ARGLU1: variants seen among roughly 807,000 people sequenced by gnomAD.
ARGLU1 encodes arginine and glutamate rich 1.
ARGLU1 carries 9 observed loss-of-function variants against 37.6 expected under a neutral mutation model. The ratio of observed to expected loss-of-function variants is 0.24; its 90% CI spans 0.14 to 0.42. The LOEUF is 0.42. ARGLU1 is among the 10% of genes least tolerant of loss of function. The pLI is 1.00. For missense variants in ARGLU1, 211 were observed against 359.2 expected (o/e 0.59, Z 3.34); for synonymous variants, 166 against 138.5 (o/e 1.20, Z -1.39).
Position 106,544,114 on chromosome 13 carries a change from T to C in ARGLU1, c.704A>G (p.Glu235Gly). The C allele has an allele frequency of 6.3e-7, 1 of 1,598,888 alleles. No homozygotes were observed. The highest frequency in any genetic ancestry group is 1.8e-5 in the Admixed American group (1 of 56,522). Residue 235 changes from glutamate to glycine, a missense_variant, in exon 4 of 4, where the codon GAG becomes GGG. Glu to Gly is a moderately conservative substitution (Grantham distance 98, BLOSUM62 -2). Around this residue, in one of 3 missense-constraint regions of ARGLU1, gnomAD observed 80 missense variants for 158.4 expected, o/e 0.51. Coordinates refer to ENST00000400198, the MANE Select transcript of ARGLU1 (RefSeq NM_018011.4). The stretch of plus-strand genomic sequence containing the variant: ...TTCTTGTTCTAGTTTCATCCTTTCC[T>C]CATGAATCTTTCTTTGTTCTTCAAC... ...RIVEEQRKIH[E>G]ERMKLEQERQ...
At chr13:106,548,683 A>G (rs1382171263) in intron 3 of ARGLU1, among the ~76,000 whole-genome samples, 2 of 152,164 alleles carry the variant, frequency 1.3e-5, no homozygotes, top group Non-Finnish European at 1.5e-5. Flanking sequence ...AAGTACACAC[A>G]CAAAAAAATG....
intron 1 of ARGLU1, among the ~76,000 whole-genome samples, chr13:106,563,002 A>C (rs531767867): frequency 0.014 from 1,715 of 123,490 alleles, 38 homozygotes; most frequent in African/African-American, 0.048. Flanking sequence ...AAAAAAAAAA[A>C]AAAAAACAAA....
In ARGLU1 at chr13:106,544,178, A is replaced by T. The variant is rs778747468; in HGVS notation, c.658-18T>A. 6.5e-7 allele frequency: 1 copy of T among 1,529,438 alleles called. No homozygotes were observed. Among genetic ancestry groups the T allele is most frequent in the Non-Finnish European group, 8.7e-7 (1 of 1,145,960 alleles). The allele number at this position is 1,529,438 out of a possible 1,614,324, so 94.7% of individuals were successfully genotyped here. On this transcript the variant is annotated intron_variant, in intron 3 of 3. Transcript: ENST00000400198. ...TCTTCGGCCTGAAAGTTAAAAGTAA[A>T]AATTAATTATAGAAATGTATTAAAA...
intron 1 of ARGLU1, among the ~76,000 whole-genome samples, chr13:106,564,523 G>C (rs1291828704): frequency 6.6e-6 from 1 of 152,140 alleles, no homozygotes; most frequent in Non-Finnish European, 1.5e-5. Context: ...CATCTAACTA[G>C]ATTTCTTGTA....
Position 106,567,894 on chromosome 13 carries a change from G to A in ARGLU1, c.26C>T (p.Ser9Leu). 6.2e-7 allele frequency: 1 copy of A among 1,610,102 alleles called. No homozygotes were observed. ...GCTCTTGGTGTGCTTGGAGCGGGAC[G>A]AGCTCCGGCTCCGAGACCGGCCCAT... The part of the protein sequence containing the change: MGRSRSRS[S>L]SRSKHTKSSK... Residue 9 changes from serine (S) to leucine (L), a missense_variant, in exon 1 of 4, where the codon TCG becomes TTG. Transcript: ENST00000400198. The surrounding 1 kb of genome is among the most constrained non-coding windows in gnomAD (Gnocchi z 4.3).
Position 106,567,565 on chromosome 13 carries a change from G to T in ARGLU1, c.347+8C>A. ...CACGCCCCGGTCCCTCCCCGCGCGGGCACTCACATTTTTCGCTGCCGCTCG... is the reference window on the plus strand; with the variant it reads ...CACGCCCCGGTCCCTCCCCGCGCGGTCACTCACATTTTTCGCTGCCGCTCG... On this transcript the variant is annotated splice_region_variant and intron_variant, in intron 1 of 3. Transcript: ENST00000400198. This position sits in a 1 kb window ranked among gnomAD's most constrained non-coding sequence, Gnocchi z 4.3. The T allele has an allele frequency of 6.3e-7, 1 of 1,580,194 alleles. No individual in the cohort carries two copies. The highest frequency in any genetic ancestry group is 1.3e-5 in the African/African-American group (1 of 74,178).
intron 1 of ARGLU1, among the ~76,000 whole-genome samples, chr13:106,561,116 C>T (rs534607433): frequency 6.6e-6 from 1 of 152,212 alleles, no homozygotes; most frequent in South Asian, 2.1e-4. Context: ...TAGATGTTTG[C>T]CCAACACTCA....
intron 3 of ARGLU1, among the ~76,000 whole-genome samples, chr13:106,549,638 A>G (rs1027248604): frequency 5.3e-5 from 8 of 152,212 alleles, no homozygotes; most frequent in Admixed American, 3.9e-4. Context: ...ATGCCAAACC[A>G]TCATTACAGG....
Position 106,567,082 on chromosome 13 carries a change from G to C in ARGLU1, c.347+491C>G, listed in dbSNP as rs1459317384. ...CTAAAGTGTATGATTCCCGAGATTA[G>C]TTAAGTCCTGTCCCAAATTTGAGCT... is the stretch of plus-strand genomic sequence containing the variant. On this transcript the variant is annotated intron_variant, in intron 1 of 3. Transcript: ENST00000400198. This position sits in a 1 kb window ranked among gnomAD's most constrained non-coding sequence, Gnocchi z 4.3. Among the ~76,000 whole-genome samples the C allele has an allele frequency of 6.6e-6, 1 of 152,102 alleles. No homozygotes were observed. Among genetic ancestry groups the C allele is most frequent in the African/African-American group, 2.4e-5 (1 of 41,406 alleles).
chr13:106,555,540 T>C (rs1428123351), intron 3 of ARGLU1, among the ~76,000 whole-genome samples: 2 of 152,158 alleles, frequency 1.3e-5, no homozygotes, highest in African/African-American at 4.8e-5. Context: ...TATGACCTCA[T>C]TTTTCTAGTA....
intron 2 of ARGLU1, chr13:106,558,877 T>C: frequency 1.0e-6 from 1 of 985,362 alleles, no homozygotes; most frequent in Non-Finnish European, 1.2e-6. Context: ...ATCAGAATGC[T>C]AGAATTAGTC....
At chr13:106,558,408 G>A (rs1880711935) in intron 2 of ARGLU1, 5 of 985,204 alleles carry the variant, frequency 5.1e-6, no homozygotes, top group Non-Finnish European at 6.0e-6. Flanking sequence ...CCACAATAAT[G>A]CCAAGATGAA....
intron 3 of ARGLU1, among the ~76,000 whole-genome samples, chr13:106,546,466 C>G (rs925104256): frequency 2.0e-5 from 3 of 152,326 alleles, no homozygotes; most frequent in Admixed American, 2.0e-4. Flanking sequence ...ACCTGTACAT[C>G]AGAATCTATT....
At chr13:106,556,928 T>TA (rs1880674270) in intron 3 of ARGLU1, 120 bp downstream of exon 3, 3 of 784,634 alleles carry the variant, frequency 3.8e-6, no homozygotes, top group Non-Finnish European at 6.3e-6. Flanking sequence ...CCTTTAAAGT[T>TA]AGTCCTGAGA....
At chr13:106,551,703 CTT>C (rs1880534580) in intron 3 of ARGLU1, among the ~76,000 whole-genome samples, 1 of 152,158 alleles carries the variant, frequency 6.6e-6, no homozygotes, top group African/African-American at 2.4e-5. Flanking sequence ...CTTCTGGAGT[CTT>C]TAGCGGAGAG....
At chr13:106,558,410 C>T (rs1052670060) in intron 2 of ARGLU1, 14 of 985,130 alleles carry the variant, frequency 1.4e-5, no homozygotes, top group Non-Finnish European at 1.7e-5. Flanking sequence ...ACAATAATGC[C>T]AAGATGAAAA....
intron 1 of ARGLU1, among the ~76,000 whole-genome samples, chr13:106,566,403 T>C (rs1880964840): frequency 6.6e-6 from 1 of 152,204 alleles, no homozygotes; most frequent in Admixed American, 6.5e-5. Context: ...AGCACACATA[T>C]ACTCGCCTCG....
chr13:106,567,755 C>G lies in ARGLU1; in HGVS notation c.165G>C (p.Arg55=). The G allele has an allele frequency of 6.2e-7, 1 of 1,612,070 alleles. No individual in the cohort carries two copies. Reference sequence around the variant, plus strand: ...CCGTGTTGGTGGAGCGCGAACGGGACCGCGACTCCCGCCGCCGGTTCCGTT... The same window carrying G: ...CCGTGTTGGTGGAGCGCGAACGGGAGCGCGACTCCCGCCGCCGGTTCCGTT... ...ESKRNRRRES[R]SRSRSTNTAV... is the part of the protein sequence containing the mutation. Residue 55 remains arginine, a synonymous_variant, in exon 1 of 4, where the codon CGG becomes CGC. Transcript: ENST00000400198. This position sits in a 1 kb window ranked among gnomAD's most constrained non-coding sequence, Gnocchi z 4.3.
At chr13:106,563,000 A>AC (rs1421996009) in intron 1 of ARGLU1, among the ~76,000 whole-genome samples, 7 of 120,938 alleles carry the variant, frequency 5.8e-5, no homozygotes, top group South Asian at 5.4e-4. Flanking sequence ...CAAAAAAAAA[A>AC]AAAAAAAACA....
Sources: allele counts gnomAD v4.1 joint callset (sites outside exome capture counted in the v4.1 genomes callset), GRCh38; gene constraint gnomAD v4.1.1; regional missense constraint gnomAD v4.1.1; non-coding constraint Gnocchi (gnomAD v3.1); transcripts MANE v1.5; gene names NCBI Gene and HGNC (gene_info 2026-07-23, HGNC 2026-07-21).